Variants in LTF observed in about 807,000 individuals in gnomAD.
LTF encodes the protein lactotransferrin.
Under a neutral mutation model 87.2 loss-of-function variants are expected in LTF, and 91 were observed. The ratio of observed to expected loss-of-function variants is 1.04; its 90% CI spans 0.88 to 1.24. The LOEUF (loss-of-function observed/expected upper bound fraction) is 1.24. LTF is among the 50% of genes most tolerant of loss of function. The pLI, the probability that LTF is intolerant of heterozygous loss-of-function variation, is 0.00. For missense variants in LTF, 901 were observed against 904.3 expected, an observed-to-expected ratio of 1.00 and a Z score of 0.05; for synonymous variants, 378 against 356.1, an observed-to-expected ratio of 1.06 and a Z score of -0.69.
At chr3:46,476,748 A>G (rs983340602) in intron 1 of LTF, among the ~76,000 whole-genome samples, 2 of 152,222 alleles carry the variant, frequency 1.3e-5, no homozygotes, top group African/African-American at 4.8e-5. Flanking sequence ...CATCTAACAC[A>G]ATGTATTCAT....
intron 6 of LTF, 164 bp downstream of exon 6, chr3:46,454,141 C>T: frequency 1.4e-6 from 1 of 700,068 alleles, no homozygotes; most frequent in Non-Finnish European, 2.5e-6. Flanking sequence ...TTGAAGAAAA[C>T]TGATCATTTA....
Position 46,448,922 on chromosome 3 carries a change from C to A in LTF, c.1153G>T (p.Glu385Ter). 10 of 1,613,798 alleles carry A rather than the reference C, an allele frequency of 6.2e-6. No homozygotes were observed. Among genetic ancestry groups the A allele is most frequent in the Non-Finnish European group, 7.6e-6 (9 of 1,179,948 alleles). The change falls in exon 9 of 17, where the codon GAA (glutamate) becomes TAA (stop). Residue 385 changes from glutamate to a stop codon, truncating the protein, a stop_gained. Coordinates refer to ENST00000231751, the MANE Select transcript of LTF (RefSeq NM_002343.6). LOFTEE classifies it high-confidence loss of function. ...RKCNQWSGLS[E>*]GSVTCSSAST... ...GCCGAGGAGCAGGTCACGCTGCCTTCGCTCAAGCCACTCCACTGGTTACAC... is the reference window on the plus strand; with the variant it reads ...GCCGAGGAGCAGGTCACGCTGCCTTAGCTCAAGCCACTCCACTGGTTACAC...
At chr3:46,467,716 T>C (rs981420127), upstream of LTF, among the ~76,000 whole-genome samples, 2 of 145,078 alleles carry the variant, frequency 1.4e-5, no homozygotes, top group Non-Finnish European at 3.0e-5. Context: ...GGTGGTGCAA[T>C]CACAGCTCAC....
chr3:46,448,467 C>A (rs1034884689), intron 9 of LTF, among the ~76,000 whole-genome samples: 1 of 152,166 alleles, frequency 6.6e-6, no homozygotes, highest in African/African-American at 2.4e-5. Flanking sequence ...CGACATACTG[C>A]AACACTTCAT....
At chr3:46,459,449 C>G (rs577215955) in intron 2 of LTF, among the ~76,000 whole-genome samples, 1 of 152,210 alleles carries the variant, frequency 6.6e-6, no homozygotes, top group South Asian at 2.1e-4. Context: ...TGTGGAGGCT[C>G]CAGGTTCCTC....
chr3:46,469,010 G>A (rs908853106), upstream of LTF, among the ~76,000 whole-genome samples: 3 of 152,234 alleles, frequency 2.0e-5, no homozygotes, highest in Admixed American at 1.3e-4. Context: ...TAGTGTGGGT[G>A]TGTTTGTGTA....
At chr3:46,461,493 C>T (rs765357708) in intron 1 of LTF, among the ~76,000 whole-genome samples, 2 of 152,158 alleles carry the variant, frequency 1.3e-5, no homozygotes, top group Non-Finnish European at 1.5e-5. Flanking sequence ...ACAACATGAA[C>T]GAGCCTCAGT....
exon 1 of LTF, chr3:46,485,039 T>A (rs377526243): frequency 2.0e-5 from 3 of 152,298 alleles, no homozygotes; most frequent in African/African-American, 7.2e-5. Context: ...AAATTCTGGA[T>A]CAAGTCAGAC....
intron 8 of LTF, 68 bp from the exon 9 acceptor site, chr3:46,449,085 G>A (rs568336898): frequency 1.4e-6 from 2 of 1,470,064 alleles, no homozygotes; most frequent in Admixed American, 2.1e-5. Flanking sequence ...CCTCCCCAGA[G>A]CCAGGGTCCT....
At chr3:46,464,676 T>C (rs1703168908) in intron 1 of LTF, 149 bp downstream of exon 1, 3 of 777,492 alleles carry the variant, frequency 3.9e-6, no homozygotes, top group Non-Finnish European at 6.3e-6. Context: ...TGGCCCCGCG[T>C]CCGGGCCGCC....
chr3:46,476,802 G>A (rs1473343137), intron 1 of LTF, among the ~76,000 whole-genome samples: 1 of 152,192 alleles, frequency 6.6e-6, no homozygotes, highest in Non-Finnish European at 1.5e-5. Flanking sequence ...TGTATAGAAG[G>A]TGCCTGAGGT....
intron 6 of LTF, among the ~76,000 whole-genome samples, chr3:46,453,778 G>A (rs1702859157): frequency 6.6e-6 from 1 of 152,202 alleles, no homozygotes; most frequent in Admixed American, 6.5e-5. Flanking sequence ...TATCAGTCGT[G>A]TGGCTGCATG....
intron 1 of LTF, among the ~76,000 whole-genome samples, chr3:46,476,992 C>T (rs749414763): frequency 3.2e-4 from 49 of 152,172 alleles, no homozygotes; most frequent in Admixed American, 8.5e-4. Context: ...GGTGCTGAAG[C>T]GAACATATGT....
chr3:46,440,525 G>A (rs553810404), intron 14 of LTF, among the ~76,000 whole-genome samples: 5 of 152,282 alleles, frequency 3.3e-5, no homozygotes, highest in South Asian at 4.1e-4. Context: ...TGCAGATGCC[G>A]GCTCATTGTT....
intron 2 of LTF, among the ~76,000 whole-genome samples, chr3:46,457,347 T>A (rs1440325383): frequency 6.6e-6 from 1 of 152,244 alleles, no homozygotes; most frequent in Non-Finnish European, 1.5e-5. Context: ...CCCCCAATGT[T>A]TAGCATTTAA....
chr3:46,478,410 C>T (rs1330389762), intron 1 of LTF, among the ~76,000 whole-genome samples: 2 of 152,192 alleles, frequency 1.3e-5, no homozygotes, highest in Admixed American at 6.5e-5. Context: ...GGCTGAAGGT[C>T]GCTATGTTGG....
At chr3:46,454,584 C>T (rs1702880140) in intron 5 of LTF, among the ~76,000 whole-genome samples, 1 of 152,190 alleles carries the variant, frequency 6.6e-6, no homozygotes, top group South Asian at 2.1e-4. Flanking sequence ...GCTTTGAGGG[C>T]TAAGAGGACA....
intron 1 of LTF, among the ~76,000 whole-genome samples, chr3:46,477,358 C>A (rs766045901): frequency 7.9e-5 from 12 of 152,244 alleles, no homozygotes; most frequent in Non-Finnish European, 8.8e-5. Context: ...CCAGATGAAG[C>A]CTGGCCCTTC....
chr3:46,437,915 G>A, intron 16 of LTF, 25 bp downstream of exon 16: 2 of 1,603,462 alleles, frequency 1.2e-6, no homozygotes, highest in Non-Finnish European at 1.7e-6. Context: ...TGGTTTCTCG[G>A]GGATGCTAGC....
Sources: allele counts gnomAD v4.1 joint callset (sites outside exome capture counted in the v4.1 genomes callset), GRCh38; gene constraint gnomAD v4.1.1; transcripts MANE v1.5; gene names NCBI Gene and HGNC (gene_info 2026-07-23, HGNC 2026-07-21).